NDC1: variants seen among roughly 807,000 people sequenced by gnomAD.
The protein encoded by NDC1 is NDC1 transmembrane nucleoporin.
In NDC1, 24 loss-of-function variants were observed where a neutral mutation model predicts 89.8. The observed-to-expected ratio is 0.27, with a 90% CI of 0.19 to 0.38. The LOEUF (loss-of-function observed/expected upper bound fraction) is 0.38. Among genes scored for constraint, NDC1 ranks in the 10% least tolerant of loss-of-function variants. The pLI, the probability that NDC1 is intolerant of heterozygous loss-of-function variation, is 1.00. For missense variants in NDC1, 728 were observed against 797.6 expected (o/e 0.91, Z 1.05); for synonymous variants, 296 against 284.8 (o/e 1.04, Z -0.39).
chr1:53,820,375 C>G (rs1570225683), intron 5 of NDC1, among the ~76,000 whole-genome samples: 1 of 151,320 alleles, frequency 6.6e-6, no homozygotes, highest in East Asian at 1.9e-4. Flanking sequence ...AAAAAGGAAT[C>G]AAATAAGAAA....
At chr1:53,773,095 CAAAA>C (rs1210784686) in intron 16 of NDC1, among the ~76,000 whole-genome samples, 2 of 64,448 alleles carry the variant, frequency 3.1e-5, no homozygotes, top group African/African-American at 5.5e-5. Context: ...AAGACCTCAG[CAAAA>C]AAAAAAAAAA....
chr1:53,813,035 C>T (rs1193202873), intron 6 of NDC1, among the ~76,000 whole-genome samples: 1 of 152,162 alleles, frequency 6.6e-6, no homozygotes, highest in East Asian at 1.9e-4. Context: ...AAACATACAG[C>T]CTTTTTCAGA....
intron 13 of NDC1, among the ~76,000 whole-genome samples, chr1:53,795,756 G>C (rs1021327804): frequency 6.6e-6 from 1 of 151,946 alleles, no homozygotes; most frequent in Non-Finnish European, 1.5e-5. Flanking sequence ...ACCGTCTCTG[G>C]GCTTACATGC....
At chr1:53,821,307 G>A (rs554292921) in intron 5 of NDC1, among the ~76,000 whole-genome samples, 4 of 152,036 alleles carry the variant, frequency 2.6e-5, no homozygotes, top group Non-Finnish European at 2.9e-5. Context: ...GATAAGGCAC[G>A]GTGGCAGGCG....
In NDC1 at chr1:53,787,110, G is replaced by T. The variant is rs1647328969; in HGVS notation, c.1800+48C>A. On this transcript the variant is annotated intron_variant, in intron 16 of 17. Coordinates refer to ENST00000371429, the MANE Select transcript of NDC1 (RefSeq NM_018087.5). Reference sequence around the variant, plus strand: ...ATAGGAAACAAACAAAGCACTGGGTGGGAGGGGAAGATGACCTCTACCCCC... The same window carrying T: ...ATAGGAAACAAACAAAGCACTGGGTTGGAGGGGAAGATGACCTCTACCCCC... 5 of 909,632 alleles carry T rather than the reference G, an allele frequency of 5.5e-6. 1 individual carries two copies. The East Asian group carries it at 9.9e-5, about 18-fold the overall frequency. The allele number at this position is 909,632 out of a possible 1,614,324, so 56.3% of individuals were successfully genotyped here. A position where few individuals can be genotyped will look rare whatever the true frequency, so the allele number is the denominator to read the frequency against.
intron 1 of NDC1, among the ~76,000 whole-genome samples, chr1:53,836,409 G>C (rs1462148051): frequency 2.0e-5 from 3 of 149,696 alleles, no homozygotes; most frequent in Non-Finnish European, 4.4e-5. Flanking sequence ...AAATTAGCCA[G>C]GCATCATTCC....
chr1:53,832,702 T>C, intron 2 of NDC1, 111 bp from the exon 3 acceptor site: 2 of 605,974 alleles, frequency 3.3e-6, no homozygotes, highest in East Asian at 5.7e-5. Context: ...TTTTAAAGGT[T>C]ATCTTTTCTT....
intron 3 of NDC1, among the ~76,000 whole-genome samples, chr1:53,828,933 G>A (rs189241122): frequency 1.3e-5 from 2 of 152,138 alleles, no homozygotes; most frequent in Non-Finnish European, 2.9e-5. Context: ...AAGAACTCCT[G>A]CCATCAGCAT....
chr1:53,767,798 T>C lies in NDC1; in HGVS notation c.*172A>G. On this transcript the variant is annotated 3_prime_UTR_variant, in exon 18 of 18. Transcript: ENST00000371429. ...GAAAAGGCAGTTTTCAGTTATTCTG[T>C]TGAGAATTTCTTTCCATGATTTCTC... The C allele has an allele frequency of 2.2e-6, 1 of 449,600 alleles. No individual in the cohort carries two copies. Among genetic ancestry groups the C allele is most frequent in the South Asian group, 5.1e-5 (1 of 19,446 alleles). 27.9% of individuals were successfully genotyped at this position (449,600 alleles called of 1,614,324 possible).
At chr1:53,795,100 A>T (rs1282659975) in intron 13 of NDC1, among the ~76,000 whole-genome samples, 2 of 151,910 alleles carry the variant, frequency 1.3e-5, no homozygotes, top group Non-Finnish European at 2.9e-5. Context: ...CTCAACAGTT[A>T]ATTCTTAGTT....
intron 2 of NDC1, among the ~76,000 whole-genome samples, chr1:53,833,023 G>T (rs1379669279): frequency 1.3e-5 from 2 of 151,816 alleles, no homozygotes; most frequent in South Asian, 2.1e-4. Context: ...AAAACAAAGG[G>T]GGGGAGAAAA....
intron 6 of NDC1, among the ~76,000 whole-genome samples, chr1:53,815,266 GTCTCA>G (rs1485253110): frequency 2.3e-4 from 35 of 152,256 alleles, no homozygotes; most frequent in Admixed American, 2.2e-3. Flanking sequence ...GATAAAGTGG[GTCTCA>G]TGCCAGGGAT....
chr1:53,836,262 G>C (rs944731687), intron 1 of NDC1, among the ~76,000 whole-genome samples: 5 of 151,998 alleles, frequency 3.3e-5, no homozygotes, highest in African/African-American at 1.2e-4. Context: ...CCACCAAAAA[G>C]CTGAGGCCGG....
chr1:53,816,834 A>T (rs56730303), intron 6 of NDC1, among the ~76,000 whole-genome samples: 1,629 of 152,356 alleles, frequency 0.011, 33 homozygotes, highest in African/African-American at 0.037. Context: ...TTAAAAGAAG[A>T]TATACAAATA....
chr1:53,786,790 T>C (rs1647320396), intron 16 of NDC1, among the ~76,000 whole-genome samples: 1 of 152,136 alleles, frequency 6.6e-6, no homozygotes, highest in African/African-American at 2.4e-5. Context: ...CTCAAACTCC[T>C]GGCTCCAACG....
At chr1:53,810,764 A>G (rs1648277966) in intron 6 of NDC1, among the ~76,000 whole-genome samples, 1 of 152,206 alleles carries the variant, frequency 6.6e-6, no homozygotes, top group African/African-American at 2.4e-5. Flanking sequence ...ACTACTAATC[A>G]TGATGGCAGA....
chr1:53,794,132 C>T (rs547934388), intron 13 of NDC1, among the ~76,000 whole-genome samples: 1 of 152,166 alleles, frequency 6.6e-6, no homozygotes, highest in Non-Finnish European at 1.5e-5. Context: ...TGCACCACCA[C>T]ACCCAGCTAA....
At chr1:53,806,546 AT>A in intron 8 of NDC1, 29 bp from the exon 9 acceptor site, 1 of 1,356,076 alleles carries the variant, frequency 7.4e-7, no homozygotes, top group East Asian at 2.6e-5. Flanking sequence ...ACCAAAAATG[AT>A]TATTTTCATG....
At chr1:53,806,632 T>C in intron 8 of NDC1, 115 bp from the exon 9 acceptor site, 1 of 544,186 alleles carries the variant, frequency 1.8e-6, no homozygotes. Context: ...TCTTTCGTGC[T>C]CCTTGCAAAG....
Sources: gnomAD v4.1 joint callset for allele counts (sites outside exome capture counted in the v4.1 genomes callset) on GRCh38, gnomAD v4.1.1 for gene constraint, MANE v1.5 for transcripts, NCBI Gene and HGNC (gene_info 2026-07-23, HGNC 2026-07-21) for gene names.